Variants in RSRC1 observed in about 807,000 individuals in gnomAD.
RSRC1 encodes arginine and serine rich coiled-coil 1.
A neutral mutation model predicts 49.1 loss-of-function variants in RSRC1; 39 were observed. That is an observed-to-expected ratio of 0.79 (90% CI 0.61 to 1.04). RSRC1 has a LOEUF of 1.04. Among genes scored for constraint, RSRC1 ranks in the 50% least tolerant of loss-of-function variants. RSRC1 has a pLI of 0.00. For synonymous variants in RSRC1, 143 were observed against 130.8 expected (o/e 1.09, Z -0.63); for missense variants, 388 against 402.4 (o/e 0.96, Z 0.31).
intron 6 of RSRC1, among the ~76,000 whole-genome samples, chr3:158,379,726 ACT>A (rs1257234867): frequency 1.3e-5 from 2 of 150,716 alleles, no homozygotes; most frequent in Non-Finnish European, 3.0e-5. Context: ...TACCTAGCTT[ACT>A]CTCTTGCCTC....
At chr3:158,412,207 G>T (rs1256293307) in intron 6 of RSRC1, among the ~76,000 whole-genome samples, 1 of 152,056 alleles carries the variant, frequency 6.6e-6, no homozygotes, top group African/African-American at 2.4e-5. Flanking sequence ...CACTTTAGAT[G>T]TTTGGTGAAA....
At chr3:158,297,722 A>G (rs955412491) in intron 4 of RSRC1, among the ~76,000 whole-genome samples, 1 of 151,984 alleles carries the variant, frequency 6.6e-6, no homozygotes, top group African/African-American at 2.4e-5. Flanking sequence ...ATATAATAAA[A>G]TTTCTAATAG....
chr3:158,428,606 A>G lies in RSRC1; in HGVS notation c.584-32329A>G, dbSNP rs1478758716. Among the ~76,000 whole-genome samples, 4 of 151,920 alleles carry G rather than the reference A, an allele frequency of 2.6e-5. 1 individual carries two copies. Among genetic ancestry groups the G allele is most frequent in the African/African-American group, 9.7e-5 (4 of 41,418 alleles). ...ATGTTTAGAAAGATGTCTGGCACAT[A>G]TAAAGGGTATATAATAAAGGCTGAT... On this transcript the variant is annotated intron_variant, in intron 6 of 9. Transcript: ENST00000611884.
intron 7 of RSRC1, among the ~76,000 whole-genome samples, chr3:158,489,180 T>C (rs1010913067): frequency 6.6e-6 from 1 of 152,262 alleles, no homozygotes; most frequent in Admixed American, 6.5e-5. Flanking sequence ...AAAAGGTTTT[T>C]TCCTTCAGCC....
intron 4 of RSRC1, among the ~76,000 whole-genome samples, chr3:158,215,172 T>C (rs1721884485): frequency 6.6e-6 from 1 of 151,900 alleles, no homozygotes; most frequent in African/African-American, 2.4e-5. Context: ...TTGTATGATA[T>C]TAATATAGCT....
At chr3:158,460,896 C>T in intron 6 of RSRC1, 39 bp from the exon 7 acceptor site, 1 of 1,372,038 alleles carries the variant, frequency 7.3e-7, no homozygotes, top group Non-Finnish European at 1.0e-6. Context: ...TGAATATAGG[C>T]ATAAAATAAG....
chr3:158,237,190 C>A (rs1437103425), intron 4 of RSRC1, among the ~76,000 whole-genome samples: 2 of 152,150 alleles, frequency 1.3e-5, no homozygotes, highest in Non-Finnish European at 2.9e-5. Flanking sequence ...ATGACAAATG[C>A]TACCATGGAC....
intron 5 of RSRC1, among the ~76,000 whole-genome samples, chr3:158,318,076 C>T (rs1024517992): frequency 4.6e-5 from 7 of 151,914 alleles, no homozygotes; most frequent in African/African-American, 1.7e-4. Flanking sequence ...TAAAATAGCT[C>T]ATCAGCTATT....
At chr3:158,239,213 A>T (rs699919) in intron 4 of RSRC1, among the ~76,000 whole-genome samples, 93,070 of 151,752 alleles carry the variant, frequency 0.61, 28,884 homozygotes, top group East Asian at 0.73. Flanking sequence ...AGGAAACAAC[A>T]GGTGCTAGAG....
chr3:158,530,627 G>GT (rs1712330220), intron 7 of RSRC1, among the ~76,000 whole-genome samples: 1 of 151,714 alleles, frequency 6.6e-6, no homozygotes, highest in Non-Finnish European at 1.5e-5. Context: ...GAGGGAAGAT[G>GT]TGGGGGGGAA....
intron 4 of RSRC1, among the ~76,000 whole-genome samples, chr3:158,287,496 T>C (rs1454990127): frequency 6.6e-6 from 1 of 152,168 alleles, no homozygotes; most frequent in Non-Finnish European, 1.5e-5. Context: ...TTTTTAAATC[T>C]AATGATTATT....
intron 3 of RSRC1, among the ~76,000 whole-genome samples, chr3:158,165,157 A>G (rs1718461214): frequency 6.6e-6 from 1 of 152,196 alleles, no homozygotes; most frequent in East Asian, 1.9e-4. Context: ...TAATGAACAC[A>G]TTAATTAGAA....
chr3:158,277,883 C>T (rs560324957), intron 4 of RSRC1, among the ~76,000 whole-genome samples: 1 of 152,278 alleles, frequency 6.6e-6, no homozygotes, highest in African/African-American at 2.4e-5. Flanking sequence ...AACTCTTGGA[C>T]TGAAGCAATC....
At chr3:158,327,130 CTTT>C (rs745469906) in intron 5 of RSRC1, among the ~76,000 whole-genome samples, 16 of 152,028 alleles carry the variant, frequency 1.1e-4, no homozygotes, top group Admixed American at 4.6e-4. Flanking sequence ...CTTCTCTCTT[CTTT>C]ATTAGTCTTG....
At chr3:158,293,341 A>G (rs576117050) in intron 4 of RSRC1, among the ~76,000 whole-genome samples, 41 of 152,160 alleles carry the variant, frequency 2.7e-4, no homozygotes, top group African/African-American at 9.4e-4. Context: ...GGGGACTTAA[A>G]TGTATTTTGT....
intron 4 of RSRC1, among the ~76,000 whole-genome samples, chr3:158,232,121 A>G (rs1171840547): frequency 6.6e-6 from 1 of 152,130 alleles, no homozygotes; most frequent in African/African-American, 2.4e-5. Context: ...AGCTTGCTAT[A>G]TGTTTTTGTT....
At chr3:158,114,232 A>C (rs766626579) in intron 1 of RSRC1, among the ~76,000 whole-genome samples, 3 of 152,204 alleles carry the variant, frequency 2.0e-5, no homozygotes, top group Non-Finnish European at 2.9e-5. Context: ...CAGTTCTCCC[A>C]GTACCATTTA....
intron 6 of RSRC1, among the ~76,000 whole-genome samples, chr3:158,437,817 G>A (rs1736133528): frequency 6.6e-6 from 1 of 152,084 alleles, no homozygotes. Context: ...GTGCTGGCCA[G>A]GGCAATCAGG....
chr3:158,456,152 A>G (rs1380633614), intron 6 of RSRC1, among the ~76,000 whole-genome samples: 1 of 151,992 alleles, frequency 6.6e-6, no homozygotes, highest in Non-Finnish European at 1.5e-5. Flanking sequence ...AAAATAATAT[A>G]CATGTGTTTT....
Sources: allele counts gnomAD v4.1 joint callset (sites outside exome capture counted in the v4.1 genomes callset), GRCh38; gene constraint gnomAD v4.1.1; transcripts MANE v1.5; gene names NCBI Gene and HGNC (gene_info 2026-07-23, HGNC 2026-07-21).